The following MUC5B variants were observed in gnomAD, a reference collection of about 807,000 sequenced individuals.
MUC5B encodes mucin 5B, oligomeric mucus/gel-forming.
A neutral mutation model predicts 376.9 loss-of-function variants in MUC5B; 116 were observed. The ratio of observed to expected loss-of-function variants is 0.31; its 90% CI spans 0.26 to 0.36. The LOEUF (loss-of-function observed/expected upper bound fraction) is 0.36. Ranked by LOEUF, MUC5B falls within the 10% of genes least tolerant of loss-of-function variation. The pLI is 1.00. For missense variants in MUC5B, 7,165 were observed against 7,769.9 expected (o/e 0.92, Z 2.93); for synonymous variants, 3,517 against 3,390.9 (o/e 1.04, Z -1.29).
At chr11:1,232,253 T>C (rs1377635422) in intron 15 of MUC5B, 93 bp downstream of exon 15, 2 of 1,440,214 alleles carry the variant, frequency 1.4e-6, no homozygotes, top group Non-Finnish European at 9.3e-7. Context: ...CTGGGTGGGA[T>C]TGGGGACCCC....
chr11:1,256,069 C>A, intron 37 of MUC5B, 87 bp from the exon 38 acceptor site: 2 of 656,090 alleles, frequency 3.0e-6, no homozygotes, highest in South Asian at 3.4e-5. Context: ...GACTCCTCGG[C>A]CTCTCTGAGT....
rs377489931 is a variant in MUC5B, at chr11:1,242,180, C to T, written c.5300C>T (p.Thr1767Met). 3.6e-4 allele frequency: 583 copies of T among 1,613,582 alleles called. 5 individuals are homozygous for T. The South Asian group carries it at 5.0e-3, about 14-fold the overall frequency. Residue 1767 changes from threonine (T) to methionine (M), a missense_variant, in exon 31 of 49, where the codon ACG becomes ATG. Coordinates refer to ENST00000529681, the MANE Select transcript of MUC5B (RefSeq NM_002458.3). ...QAETSTPRTE[T>M]TMSPLTNTTT... ...GAGACCAGCACGCCCAGGACAGAGA[C>T]GACAATGAGCCCCTTGACTAACACC...
In MUC5B at chr11:1,247,029, C is replaced by T. The variant is rs1464196765; in HGVS notation, c.10149C>T (p.Thr3383=). The T allele has an allele frequency of 1.2e-5, 19 of 1,553,028 alleles. No homozygotes were observed. The highest frequency in any genetic ancestry group is 9.8e-5 in the Admixed American group (5 of 51,048). Residue 3383 remains threonine (T), a synonymous_variant, in exon 31 of 49, where the codon ACC becomes ACT. Coordinates refer to ENST00000529681, the MANE Select transcript of MUC5B (RefSeq NM_002458.3). ...CAACACCCTCCTCTAGCACACAGAC[C>T]AGTGGTACTCCCCCATCACTGACCA... ...SMATPSSSTQ[T]SGTPPSLTTT... is the part of the protein sequence containing the mutation.
Position 1,244,115 on chromosome 11 carries a change from G to A in MUC5B, c.7235G>A (p.Gly2412Asp). The change falls in exon 31 of 49, where the codon GGC becomes GAC. Residue 2412 changes from glycine (G) to aspartate (D), a missense_variant. Physicochemically the swap from Gly to Asp is moderately conservative, Grantham distance 94. Transcript: ENST00000529681. ...YEIRVFCCNY[G>D]HCPSTPATSS... is the part of the protein sequence containing the mutation. ...ATCCGTGTGTTCTGCTGCAACTACG[G>A]CCACTGCCCCAGCACCCCGGCCACC... The A allele has an allele frequency of 1.2e-6, 2 of 1,609,802 alleles. No individual in the cohort carries two copies. The highest frequency in any genetic ancestry group is 2.2e-5 in the South Asian group (2 of 90,948).
At chr11:1,230,272 TC>T in intron 11 of MUC5B, 129 bp downstream of exon 11, 1 of 1,348,796 alleles carries the variant, frequency 7.4e-7, no homozygotes, top group Non-Finnish European at 1.0e-6. Context: ...GAGCCCTGGG[TC>T]CCCATGATGG....
In MUC5B at chr11:1,231,001, G is replaced by A. The variant is rs767374291; in HGVS notation, c.1536G>A (p.Ser512=). 1.5e-5 allele frequency: 24 copies of A among 1,592,156 alleles called. No homozygotes were observed. The highest frequency in any genetic ancestry group is 1.0e-4 in the South Asian group (9 of 87,518). The part of the protein sequence containing the change: ...LNSIYTQLPL[S]AANITLFTPS... ...CCATCTACACGCAGCTGCCCCTGTCGGCAGGTATGTGGCTCTCCCAGGACG... is the reference window on the plus strand; with the variant it reads ...CCATCTACACGCAGCTGCCCCTGTCAGCAGGTATGTGGCTCTCCCAGGACG... Residue 512 remains serine (S), a synonymous_variant, in exon 13 of 49, where the codon TCG becomes TCA. Coordinates refer to ENST00000529681, the MANE Select transcript of MUC5B (RefSeq NM_002458.3).
At position 1,255,380 on chromosome 11, in the gene MUC5B, C is replaced by T; in HGVS notation, c.15891-3C>T. 1.3e-6 allele frequency: 2 copies of T among 1,589,062 alleles called. No homozygotes were observed. Among genetic ancestry groups the T allele is most frequent in the Non-Finnish European group, 1.7e-6 (2 of 1,164,742 alleles). On this transcript the variant is annotated splice_polypyrimidine_tract_variant and splice_region_variant and intron_variant, in intron 36 of 48. Transcript: ENST00000529681. ...CCTCCGTCCTGATCGCTTTGCCCCA[C>T]AGGGTCTTTGCTGAGTGCCACAACC...
Position 1,241,588 on chromosome 11 carries a change from G to A in MUC5B, c.4708G>A (p.Val1570Ile), listed in dbSNP as rs200722081. ...GGTGGGGCAGAAGGTGCACTGTGAC[G>A]TCCACTTCGGCCTGGTGTGCAGGAA... Reference protein sequence around the residue: ...AQVGQKVHCDVHFGLVCRNWE... With the variant: ...AQVGQKVHCDIHFGLVCRNWE... The change falls in exon 31 of 49, where the codon GTC becomes ATC. Residue 1570 changes from valine to isoleucine, a missense_variant. Val to Ile is a conservative substitution (Grantham distance 29). Around this residue, in one of 31 missense-constraint regions of MUC5B, gnomAD observed 25 missense variants for 46.5 expected, o/e 0.54. Coordinates refer to ENST00000529681, the MANE Select transcript of MUC5B (RefSeq NM_002458.3). The A allele has an allele frequency of 6.1e-5, 98 of 1,612,058 alleles. No individual in the cohort carries two copies. Among genetic ancestry groups the A allele is most frequent in the Non-Finnish European group, 7.7e-5 (91 of 1,179,172 alleles).
Position 1,258,665 on chromosome 11 carries a change from G to T in MUC5B, c.16594-277G>T, listed in dbSNP as rs373738954. Among the ~76,000 whole-genome samples, 1 of 151,898 alleles carries T rather than the reference G, an allele frequency of 6.6e-6. No individual in the cohort carries two copies. The highest frequency in any genetic ancestry group is 1.5e-5 in the Non-Finnish European group (1 of 67,934). On this transcript the variant is annotated intron_variant, in intron 43 of 48. Transcript: ENST00000529681. This position sits in a 1 kb window ranked among gnomAD's most constrained non-coding sequence, Gnocchi z 5.5. ...CGCCTGCCCGCCCAGATTCCTACCC[G>T]CCCGGATTCCTGCCTGCCAGATTCC... is the stretch of plus-strand genomic sequence containing the variant.
rs1185252896 is a variant in MUC5B, at chr11:1,242,584, G to A, written c.5704G>A (p.Gly1902Arg). Residue 1902 changes from glycine to arginine, a missense_variant, in exon 31 of 49, where the codon GGG (glycine) becomes AGG (arginine). This residue lies in a region of MUC5B where 897 missense variants were observed against 779.6 expected (regional missense o/e 1.15). Coordinates refer to ENST00000529681, the MANE Select transcript of MUC5B (RefSeq NM_002458.3). The part of the protein sequence containing the change: ...SSTATPSSTP[G>R]TTWILTKPTT... ...CACGGCCACGCCCTCCTCAACTCCG[G>A]GGACGACCTGGATCCTCACAAAGCC... 3.7e-6 allele frequency: 6 copies of A among 1,613,442 alleles called. No homozygotes were observed. The highest frequency in any genetic ancestry group is 4.2e-6 in the Non-Finnish European group (5 of 1,179,772).
At chr11:1,254,032 C>T (rs537243273) in intron 33 of MUC5B, 60 bp from the exon 34 acceptor site, 42 of 1,563,758 alleles carry the variant, frequency 2.7e-5, no homozygotes, top group South Asian at 2.0e-4. Context: ...GCTGCCATGA[C>T]GCCTGGGGAG....
chr11:1,256,461 G>A (rs1233221303), intron 38 of MUC5B: 8 of 298,736 alleles, frequency 2.7e-5, no homozygotes, highest in Admixed American at 1.2e-4. Context: ...CCCCGCCACC[G>A]AGCCCCACCC....
At position 1,225,563 on chromosome 11, in the gene MUC5B, C is replaced by T. The variant is rs541676030; in HGVS notation, c.71-118C>T. The T allele has an allele frequency of 6.6e-5, 59 of 890,850 alleles. 1 individual carries two copies. The highest frequency in any genetic ancestry group is 5.2e-5 in the Non-Finnish European group (30 of 575,372). The allele number at this position is 890,850 out of a possible 1,614,324, so 55.2% of individuals were successfully genotyped here. On this transcript the variant is annotated intron_variant, in intron 1 of 48. Transcript: ENST00000529681. ...GGGTGAACCTGCAGGGCATGGAGACCGCCACCAAGGACCCCACATGCGGCT... is the reference window on the plus strand; with the variant it reads ...GGGTGAACCTGCAGGGCATGGAGACTGCCACCAAGGACCCCACATGCGGCT...
rs368887518 is a variant in MUC5B at position 1,244,239 on chromosome 11, C to T, written c.7359C>T (p.Ala2453=). Residue 2453 remains alanine (A), a synonymous_variant, in exon 31 of 49, where the codon GCC becomes GCT. Coordinates refer to ENST00000529681, the MANE Select transcript of MUC5B (RefSeq NM_002458.3). ...CGACTGAGTCCACTGGATCCACGGCCACCCCGTCCTCCACCCCAGGGACCA... is the reference window on the plus strand; with the variant it reads ...CGACTGAGTCCACTGGATCCACGGCTACCCCGTCCTCCACCCCAGGGACCA... ...ATTTESTGST[A]TPSSTPGTTW... is the part of the protein sequence containing the mutation. 1.2e-5 allele frequency: 19 copies of T among 1,611,968 alleles called. No homozygotes were observed. The African/African-American group carries it at 2.3e-4, about 19-fold the overall frequency.
In MUC5B at chr11:1,242,993, C is replaced by A. The variant is rs368791411; in HGVS notation, c.6113C>A (p.Thr2038Asn). 1.5e-5 allele frequency: 24 copies of A among 1,612,840 alleles called. No individual in the cohort carries two copies. The highest frequency in any genetic ancestry group is 1.7e-5 in the Admixed American group (1 of 59,958). Residue 2038 changes from threonine to asparagine, a missense_variant, in exon 31 of 49, where the codon ACC (threonine) becomes AAC (asparagine). This residue lies in a region of MUC5B where 897 missense variants were observed against 779.6 expected (regional missense o/e 1.15). Transcript: ENST00000529681. ...ACTGGGGCCACCGGCTCTGTGGCCA[C>A]CCCCTCCTCCACCCCAGGAACAGCT... ...TTTGATGSVA[T>N]PSSTPGTAHT...
chr11:1,247,513 C>T lies in MUC5B; in HGVS notation c.10633C>T (p.Pro3545Ser), dbSNP rs371175232. ...GTSRTTATAT[P>S]SKTRTSTLLP... ...CTCCAGGACCACAGCCACAGCCACA[C>T]CCAGCAAGACCCGCACCTCGACCCT... Residue 3545 changes from proline to serine, a missense_variant, in exon 31 of 49, where the codon CCC becomes TCC. By Grantham distance (74) the Pro-to-Ser change is moderately conservative. Coordinates refer to ENST00000529681, the MANE Select transcript of MUC5B (RefSeq NM_002458.3). 5 of 1,609,160 alleles carry T rather than the reference C, an allele frequency of 3.1e-6. No homozygotes were observed. Among genetic ancestry groups the T allele is most frequent in the Non-Finnish European group, 4.2e-6 (5 of 1,178,018 alleles).
In MUC5B at chr11:1,251,005, C is replaced by A; in HGVS notation, c.14125C>A (p.Leu4709Met). ...AGGGACAACACCCATCACCCCAGTG[C>A]TGACCAGCACGGCCACCACACCCGC... Reference protein sequence around the residue: ...TPGTTPITPVLTSTATTPAAT... With the variant: ...TPGTTPITPVMTSTATTPAAT... The change falls in exon 31 of 49, where the codon CTG (leucine) becomes ATG (methionine). Residue 4709 changes from leucine to methionine, a missense_variant. This residue lies in a region of MUC5B where 730 missense variants were observed against 592.7 expected (regional missense o/e 1.23). Transcript: ENST00000529681. The A allele has an allele frequency of 1.2e-6, 2 of 1,609,116 alleles. 1 individual carries two copies. Among genetic ancestry groups the A allele is most frequent in the Non-Finnish European group, 1.7e-6 (2 of 1,176,910 alleles).
chr11:1,260,747 C>T lies in MUC5B; in HGVS notation c.17069+19C>T, dbSNP rs758386824. Reference sequence around the variant, plus strand: ...CGTCCAAGTGAGTGGGCTCCTGGCCCTGTGCCAAGAGCACCTGCGTGTGGT... The same window carrying T: ...CGTCCAAGTGAGTGGGCTCCTGGCCTTGTGCCAAGAGCACCTGCGTGTGGT... On this transcript the variant is annotated intron_variant, in intron 48 of 48. Transcript: ENST00000529681. 1 of 1,580,062 alleles carries T rather than the reference C, an allele frequency of 6.3e-7. No individual in the cohort carries two copies. The highest frequency in any genetic ancestry group is 1.1e-5 in the South Asian group (1 of 88,374).
rs1862746000 is a variant in MUC5B, at chr11:1,253,019, G to T, written c.15217+39G>T. 1 of 1,610,878 alleles carries T rather than the reference G, an allele frequency of 6.2e-7. No homozygotes were observed. Among genetic ancestry groups the T allele is most frequent in the Non-Finnish European group, 8.5e-7 (1 of 1,179,226 alleles). ...TGGCCGCGGGATTACCCCGGGGGCA[G>T]GTGGAGCAGAGTGCACCGTCGGCTA... On this transcript the variant is annotated intron_variant, in intron 33 of 48. Transcript: ENST00000529681. This position sits in a 1 kb window ranked among gnomAD's most constrained non-coding sequence, Gnocchi z 4.3.
Sources: allele counts gnomAD v4.1 joint callset (sites outside exome capture counted in the v4.1 genomes callset), GRCh38; gene constraint gnomAD v4.1.1; regional missense constraint gnomAD v4.1.1; non-coding constraint Gnocchi (gnomAD v3.1); transcripts MANE v1.5; gene names NCBI Gene and HGNC (gene_info 2026-07-23, HGNC 2026-07-21).